Variants in ANO10 observed in about 807,000 individuals in gnomAD.
ANO10 encodes anoctamin 10.
ANO10 carries 77 observed loss-of-function variants against 74.7 expected under a neutral mutation model. That is an observed-to-expected ratio of 1.03 (90% CI 0.86 to 1.25). The LOEUF (loss-of-function observed/expected upper bound fraction) is 1.25, where lower values mean the gene tolerates loss of function less well. Among genes scored for constraint, ANO10 ranks in the 50% most tolerant of loss-of-function variants. ANO10 has a pLI of 0.00. For missense variants in ANO10, 721 were observed against 778.1 expected, an observed-to-expected ratio of 0.93 and a Z score of 0.87; for synonymous variants, 279 against 284.9, an observed-to-expected ratio of 0.98 and a Z score of 0.21.
intron 12 of ANO10, chr3:43,372,810 G>T: frequency 6.5e-7 from 1 of 1,534,706 alleles, no homozygotes; most frequent in Non-Finnish European, 8.7e-7. Flanking sequence ...GGTGCTCCAT[G>T]AATACCGTGG....
chr3:43,684,347 T>C (rs932917406), intron 1 of ANO10, among the ~76,000 whole-genome samples: 5 of 152,238 alleles, frequency 3.3e-5, no homozygotes, highest in Non-Finnish European at 5.9e-5. Flanking sequence ...TCATCACTGG[T>C]TATCAGAGAA....
At chr3:43,671,606 TTTAGTA>T (rs767824877) in intron 1 of ANO10, among the ~76,000 whole-genome samples, 11 of 152,120 alleles carry the variant, frequency 7.2e-5, no homozygotes, top group Non-Finnish European at 1.5e-4. Context: ...AATGAAACAG[TTTAGTA>T]TAACTACAGG....
At chr3:43,465,904 G>A (rs1282236137) in intron 11 of ANO10, among the ~76,000 whole-genome samples, 2 of 152,156 alleles carry the variant, frequency 1.3e-5, no homozygotes, top group African/African-American at 4.8e-5. Flanking sequence ...TTGTTAAAAT[G>A]TCAGTTTATC....
chr3:43,427,513 A>G (rs900878076), intron 12 of ANO10, among the ~76,000 whole-genome samples: 2 of 152,230 alleles, frequency 1.3e-5, no homozygotes, highest in Admixed American at 1.3e-4. Flanking sequence ...ATTAAGGTAT[A>G]AATTAAACAT....
At position 43,415,576 on chromosome 3, in the gene ANO10, C is replaced by T. The variant is rs182280861; in HGVS notation, c.1914+17035G>A. Among the ~76,000 whole-genome samples the T allele has an allele frequency of 1.5e-4, 23 of 151,280 alleles. No homozygotes were observed. In the East Asian group the frequency reaches 1.8e-3, roughly 12 times the overall value. On this transcript the variant is annotated intron_variant, in intron 12 of 12. Coordinates refer to ENST00000292246, the MANE Select transcript of ANO10 (RefSeq NM_018075.5). ...TTTTTGAGATGTAGTCTTGCTCTGT[C>T]GCCCAGGCTGGAGTGCAGTGAGAGG...
rs189733083 is a variant in ANO10, at chr3:43,498,554, C to G, written c.1797+51166G>C. On this transcript the variant is annotated intron_variant, in intron 11 of 12. Transcript: ENST00000292246. ...AGGGAAGAGTAGGGAATAAACACCACCTCCCGTGGCTTTCAAAGCCTGCCT... is the reference window on the plus strand; with the variant it reads ...AGGGAAGAGTAGGGAATAAACACCAGCTCCCGTGGCTTTCAAAGCCTGCCT... Among the ~76,000 whole-genome samples, 3 of 152,290 alleles carry G rather than the reference C, an allele frequency of 2.0e-5. No individual in the cohort carries two copies. The East Asian group carries it at 5.8e-4, about 29-fold the overall frequency.
At chr3:43,393,155 C>G (rs571102460) in intron 12 of ANO10, among the ~76,000 whole-genome samples, 1 of 152,192 alleles carries the variant, frequency 6.6e-6, no homozygotes, top group Non-Finnish European at 1.5e-5. Context: ...CCTCTGAATT[C>G]TACACTCACA....
intron 12 of ANO10, among the ~76,000 whole-genome samples, chr3:43,412,365 G>A (rs1242301659): frequency 6.6e-6 from 1 of 152,110 alleles, no homozygotes; most frequent in Non-Finnish European, 1.5e-5. Flanking sequence ...AGGAGAATGA[G>A]GAAAAGGAGG....
chr3:43,528,023 C>A (rs1383940306), intron 11 of ANO10, among the ~76,000 whole-genome samples: 1 of 151,956 alleles, frequency 6.6e-6, no homozygotes, highest in East Asian at 1.9e-4. Flanking sequence ...CCTAAAGACA[C>A]AAGAACAATA....
chr3:43,633,407 A>C (rs1442528604), intron 1 of ANO10, among the ~76,000 whole-genome samples: 4 of 152,206 alleles, frequency 2.6e-5, no homozygotes, highest in Non-Finnish European at 5.9e-5. Flanking sequence ...CTGCCAAATA[A>C]TCAAAGACAC....
chr3:43,381,584 C>A (rs1045080371), intron 12 of ANO10, among the ~76,000 whole-genome samples: 13 of 152,124 alleles, frequency 8.5e-5, no homozygotes, highest in African/African-American at 3.1e-4. Context: ...TACTCCTAGA[C>A]CTAAGAAATG....
chr3:43,651,829 A>T (rs2083791088), intron 1 of ANO10, among the ~76,000 whole-genome samples: 1 of 152,188 alleles, frequency 6.6e-6, no homozygotes, highest in African/African-American at 2.4e-5. Flanking sequence ...TCAAAACTTA[A>T]ATTTAATATC....
In ANO10 at chr3:43,510,059, G is replaced by A. The variant is rs142447442; in HGVS notation, c.1797+39661C>T. 1.6e-4 allele frequency among the ~76,000 whole-genome samples: 24 copies of A among 152,146 alleles called. 1 individual carries two copies. The highest frequency in any genetic ancestry group is 5.8e-4 in the African/African-American group (24 of 41,494). On this transcript the variant is annotated intron_variant, in intron 11 of 12. Transcript: ENST00000292246. ...GGGTAAGGAATTGGGGTGGGTGAGG[G>A]GTCCCATGGTAATGGAGCAGTCCTG...
intron 6 of ANO10, 48 bp from the exon 7 acceptor site, chr3:43,574,912 G>A (rs377092822): frequency 2.5e-5 from 38 of 1,517,184 alleles, no homozygotes; most frequent in Non-Finnish European, 3.3e-5. Flanking sequence ...AAAACAATAC[G>A]AAAGCACTGT....
chr3:43,579,874 G>A (rs1168015725), intron 5 of ANO10, among the ~76,000 whole-genome samples: 5 of 152,112 alleles, frequency 3.3e-5, no homozygotes, highest in Non-Finnish European at 7.4e-5. Flanking sequence ...ATCAAAAAAT[G>A]CAAGGCACAA....
intron 11 of ANO10, among the ~76,000 whole-genome samples, chr3:43,481,223 T>C (rs2076256975): frequency 1.3e-5 from 2 of 152,176 alleles, no homozygotes; most frequent in Admixed American, 1.3e-4. Context: ...ATTCTTTTGT[T>C]ATTACTCTTA....
At chr3:43,603,179 C>T (rs2082411815) in intron 2 of ANO10, among the ~76,000 whole-genome samples, 1 of 152,114 alleles carries the variant, frequency 6.6e-6, no homozygotes, top group African/African-American at 2.4e-5. Flanking sequence ...ATAATACAAA[C>T]CCCCAAGTTC....
At chr3:43,545,688 T>C (rs1315620399) in intron 11 of ANO10, among the ~76,000 whole-genome samples, 3 of 152,126 alleles carry the variant, frequency 2.0e-5, no homozygotes, top group Non-Finnish European at 4.4e-5. Context: ...TTGATGAACA[T>C]TCTGTAACAT....
At chr3:43,546,770 G>A (rs368645378) in intron 11 of ANO10, among the ~76,000 whole-genome samples, 2 of 152,082 alleles carry the variant, frequency 1.3e-5, no homozygotes, top group African/African-American at 2.4e-5. Context: ...AAAACAGGCT[G>A]ACAAAAATTG....
Sources: gnomAD v4.1 joint callset for allele counts (sites outside exome capture counted in the v4.1 genomes callset) on GRCh38, gnomAD v4.1.1 for gene constraint, MANE v1.5 for transcripts, NCBI Gene and HGNC (gene_info 2026-07-23, HGNC 2026-07-21) for gene names.